RSRC1: variants seen among roughly 807,000 people sequenced by gnomAD.
The protein encoded by RSRC1 is arginine and serine rich coiled-coil 1, also known as serine/Arginine-related protein 53.
Under a neutral mutation model 49.1 loss-of-function variants are expected in RSRC1, and 39 were observed. That is an observed-to-expected ratio of 0.79 (90% confidence interval 0.61 to 1.04). The LOEUF is 1.04. Ranked by LOEUF, RSRC1 falls within the 50% of genes least tolerant of loss-of-function variation. The probability of loss-of-function intolerance (pLI) is 0.00; values close to 1 mark genes in which losing one functional copy is unlikely to be tolerated. For synonymous variants in RSRC1, 143 were observed against 130.8 expected (o/e 1.09, Z -0.63); for missense variants, 388 against 402.4 (o/e 0.96, Z 0.31).
chr3:158,352,599 G>A (rs1254834820), intron 5 of RSRC1, among the ~76,000 whole-genome samples: 1 of 152,152 alleles, frequency 6.6e-6, no homozygotes, highest in African/African-American at 2.4e-5. Context: ...TGACATGTAT[G>A]CTTCCTAATT....
chr3:158,470,078 C>G (rs1481854977), intron 7 of RSRC1, among the ~76,000 whole-genome samples: 1 of 151,900 alleles, frequency 6.6e-6, no homozygotes, highest in Non-Finnish European at 1.5e-5. Flanking sequence ...GATCATTACT[C>G]TAAGGATACT....
chr3:158,211,362 A>T (rs1721663628), intron 4 of RSRC1, among the ~76,000 whole-genome samples: 1 of 151,958 alleles, frequency 6.6e-6, no homozygotes, highest in Non-Finnish European at 1.5e-5. Flanking sequence ...GATATTACTT[A>T]CCTAATTAAT....
chr3:158,378,879 C>A (rs1258524231), intron 6 of RSRC1, among the ~76,000 whole-genome samples: 1 of 152,158 alleles, frequency 6.6e-6, no homozygotes, highest in African/African-American at 2.4e-5. Flanking sequence ...GCCCTTTCTT[C>A]CAAGTTTCAG....
At chr3:158,319,094 T>TCATTC (rs1376444229) in intron 5 of RSRC1, among the ~76,000 whole-genome samples, 1 of 152,172 alleles carries the variant, frequency 6.6e-6, no homozygotes, top group African/African-American at 2.4e-5. Context: ...AGGACACTTC[T>TCATTC]CATTCCAACA....
chr3:158,512,236 T>C (rs1226165912), intron 7 of RSRC1, among the ~76,000 whole-genome samples: 1 of 145,574 alleles, frequency 6.9e-6, no homozygotes, highest in Non-Finnish European at 1.5e-5. Flanking sequence ...TCGAGGGTTT[T>C]TATGGTTTTA....
intron 3 of RSRC1, among the ~76,000 whole-genome samples, chr3:158,136,036 G>A (rs1041466906): frequency 6.6e-6 from 1 of 152,142 alleles, no homozygotes; most frequent in African/African-American, 2.4e-5. Flanking sequence ...CATTTTCAAC[G>A]TATAGATTGA....
intron 4 of RSRC1, among the ~76,000 whole-genome samples, chr3:158,285,270 A>G (rs540371995): frequency 2.1e-4 from 32 of 152,338 alleles, no homozygotes; most frequent in Non-Finnish European, 4.4e-4. Flanking sequence ...TTTTGGTAGC[A>G]GTACCATGCT....
At position 158,122,138 on chromosome 3, in the gene RSRC1, A is replaced by G; in HGVS notation, c.34A>G (p.Ser12Gly). The change falls in exon 2 of 10, where the codon AGC becomes GGC. Residue 12 changes from serine (S) to glycine (G), a missense_variant. Coordinates refer to ENST00000611884, the MANE Select transcript of RSRC1 (RefSeq NM_001271838.2). ...TCGGTCATCAGATACTGAAGAAGAA[A>G]GCAGAAGCAAGAGAAAAAAGAAACA... ...GRRSSDTEEE[S>G]RSKRKKKHRR... 6.4e-7 allele frequency: 1 copy of G among 1,560,476 alleles called. No individual in the cohort carries two copies. Among genetic ancestry groups the G allele is most frequent in the Non-Finnish European group, 8.7e-7 (1 of 1,155,044 alleles).
intron 6 of RSRC1, among the ~76,000 whole-genome samples, chr3:158,422,271 T>G (rs1238936766): frequency 7.5e-6 from 1 of 134,202 alleles, no homozygotes; most frequent in Non-Finnish European, 1.5e-5. Context: ...TTCCCCTTCC[T>G]GTGTCCATGT....
intron 5 of RSRC1, 59 bp downstream of exon 5, chr3:158,298,134 A>T: frequency 8.2e-7 from 1 of 1,219,834 alleles, no homozygotes; most frequent in Non-Finnish European, 1.2e-6. Context: ...ATTCTAAATG[A>T]ACACTTTTGA....
intron 6 of RSRC1, among the ~76,000 whole-genome samples, chr3:158,372,189 T>C (rs146244703): frequency 2.0e-5 from 3 of 152,012 alleles, no homozygotes; most frequent in African/African-American, 7.2e-5. Context: ...AATTTCTCAG[T>C]TTTTCTTGTA....
intron 6 of RSRC1, among the ~76,000 whole-genome samples, chr3:158,446,284 G>GT (rs11448005): frequency 0.51 from 77,061 of 151,182 alleles, 19,983 homozygotes; most frequent in South Asian, 0.6. Context: ...TTGTTGCAAG[G>GT]TTTTTTTTGT....
At chr3:158,326,113 C>T (rs1336245186) in intron 5 of RSRC1, among the ~76,000 whole-genome samples, 2 of 152,126 alleles carry the variant, frequency 1.3e-5, no homozygotes, top group Non-Finnish European at 2.9e-5. Context: ...TGCTTATCAG[C>T]TTAAGGAGAT....
rs1716921599 is a variant in RSRC1, at chr3:158,144,062, G to T, written c.320+20071G>T. The stretch of plus-strand genomic sequence containing the variant: ...TCCATCAAAGGACATTAAATACATA[G>T]ATTTTATTTTTAAATTGTAAGGGAT... On this transcript the variant is annotated intron_variant, in intron 3 of 9. Transcript: ENST00000611884. Among the ~76,000 whole-genome samples the T allele has an allele frequency of 2.0e-5, 3 of 152,216 alleles. No individual in the cohort carries two copies. The South Asian group carries it at 6.2e-4, about 32-fold the overall frequency.
chr3:158,289,714 C>G (rs1578294731), intron 4 of RSRC1, among the ~76,000 whole-genome samples: 1 of 152,250 alleles, frequency 6.6e-6, no homozygotes, highest in Non-Finnish European at 1.5e-5. Flanking sequence ...GAAGCAGAAA[C>G]TGAGAATTTC....
intron 6 of RSRC1, among the ~76,000 whole-genome samples, chr3:158,427,347 C>G (rs73877204): frequency 0.073 from 11,139 of 151,706 alleles, 478 homozygotes; most frequent in South Asian, 0.13. Context: ...TCTATTTTCT[C>G]CAAATGTATG....
At chr3:158,413,718 C>CA (rs1409828842) in intron 6 of RSRC1, among the ~76,000 whole-genome samples, 3 of 151,568 alleles carry the variant, frequency 2.0e-5, no homozygotes, top group Non-Finnish European at 4.4e-5. Flanking sequence ...TTTATGTGGC[C>CA]AAAAAACATG....
At chr3:158,214,258 T>A (rs1721837219) in intron 4 of RSRC1, among the ~76,000 whole-genome samples, 1 of 151,862 alleles carries the variant, frequency 6.6e-6, no homozygotes, top group South Asian at 2.1e-4. Flanking sequence ...ATCTTAGTTG[T>A]TGAGTTTATA....
intron 7 of RSRC1, among the ~76,000 whole-genome samples, chr3:158,490,233 C>T (rs1472094740): frequency 4.6e-5 from 7 of 152,056 alleles, no homozygotes; most frequent in East Asian, 1.9e-4. Context: ...TACAGGCATC[C>T]GCCACCACAC....
Sources: allele counts gnomAD v4.1 joint callset (sites outside exome capture counted in the v4.1 genomes callset), GRCh38; gene constraint gnomAD v4.1.1; transcripts MANE v1.5; gene names NCBI Gene and HGNC (gene_info 2026-07-23, HGNC 2026-07-21).